Variants in STAG1 observed in about 807,000 individuals in gnomAD.
STAG1 encodes the protein cohesin subunit SA-1.
STAG1 carries 26 observed loss-of-function variants against 170.9 expected under a neutral mutation model. The ratio of observed to expected loss-of-function variants is 0.15; its 90% CI spans 0.11 to 0.21. The LOEUF is 0.21. STAG1 is among the 10% of genes least tolerant of loss of function. The pLI, the probability that STAG1 is intolerant of heterozygous loss-of-function variation, is 1.00. For missense variants in STAG1, 964 were observed against 1,509.5 expected (o/e 0.64, Z 5.99); for synonymous variants, 514 against 497.7 (o/e 1.03, Z -0.44).
At chr3:136,398,408 G>A (rs886196661) in intron 22 of STAG1, among the ~76,000 whole-genome samples, 2 of 152,186 alleles carry the variant, frequency 1.3e-5, no homozygotes, top group Admixed American at 6.6e-5. Context: ...GTAAGCCACC[G>A]TGCACGGCCT....
intron 26 of STAG1, among the ~76,000 whole-genome samples, chr3:136,361,318 G>C (rs1033620758): frequency 4.6e-5 from 7 of 152,210 alleles, no homozygotes; most frequent in Middle Eastern, 6.8e-3. Context: ...CCATTCCCCT[G>C]TTGATAGACA....
At chr3:136,564,613 T>C (rs937248955) in intron 5 of STAG1, among the ~76,000 whole-genome samples, 2 of 152,194 alleles carry the variant, frequency 1.3e-5, no homozygotes, top group Non-Finnish European at 2.9e-5. Context: ...GCTTTCTTTA[T>C]AAATCATATT....
Position 136,518,974 on chromosome 3 carries a change from AG to A in STAG1, c.676+2238del, listed in dbSNP as rs559888949. On this transcript the variant is annotated intron_variant, in intron 7 of 33. Transcript: ENST00000383202. ...ATGAAAATATATTTAAACATACACA[AG>A]ATTAGCAGATGGAGATAACCAAAGG... is the stretch of plus-strand genomic sequence containing the variant. Among the ~76,000 whole-genome samples the A allele has an allele frequency of 9.9e-5, 15 of 152,146 alleles. No homozygotes were observed. The South Asian group carries it at 3.1e-3, about 32-fold the overall frequency.
At chr3:136,709,331 G>T (rs1943321530) in intron 1 of STAG1, among the ~76,000 whole-genome samples, 1 of 151,916 alleles carries the variant, frequency 6.6e-6, no homozygotes, top group Admixed American at 6.6e-5. Context: ...TGTTGCCCAG[G>T]CTGCCTAATT....
intron 15 of STAG1, among the ~76,000 whole-genome samples, chr3:136,440,588 C>G (rs1173841992): frequency 6.6e-6 from 1 of 151,962 alleles, no homozygotes; most frequent in African/African-American, 2.4e-5. Context: ...ATGAATGGAA[C>G]CTACCATTGA....
intron 5 of STAG1, among the ~76,000 whole-genome samples, chr3:136,542,893 A>C (rs1203170518): frequency 6.6e-6 from 1 of 152,150 alleles, no homozygotes; most frequent in Non-Finnish European, 1.5e-5. Context: ...CTTGCAAAAA[A>C]AGTTTCCCGG....
At chr3:136,683,067 C>T (rs921055285) in intron 1 of STAG1, among the ~76,000 whole-genome samples, 18 of 152,136 alleles carry the variant, frequency 1.2e-4, no homozygotes, top group Admixed American at 1.1e-3. Flanking sequence ...GAGCCATCAA[C>T]ATTCAGAGAG....
chr3:136,712,220 A>G (rs1462334976), intron 1 of STAG1, among the ~76,000 whole-genome samples: 1 of 152,080 alleles, frequency 6.6e-6, no homozygotes, highest in African/African-American at 2.4e-5. Flanking sequence ...ATTTCATCAC[A>G]TTAGCCAGGA....
chr3:136,578,900 G>A (rs1044179526), intron 4 of STAG1, among the ~76,000 whole-genome samples: 4 of 152,190 alleles, frequency 2.6e-5, no homozygotes, highest in Non-Finnish European at 4.4e-5. Context: ...TAACCTACAC[G>A]ATTAAGGTCA....
At chr3:136,623,897 C>T (rs188484109) in intron 2 of STAG1, among the ~76,000 whole-genome samples, 241 of 152,072 alleles carry the variant, frequency 1.6e-3, no homozygotes, top group African/African-American at 5.6e-3. Flanking sequence ...TTGCAGTGAG[C>T]CGAGATTACG....
At chr3:136,420,244 CAAAAAAAAAAAAA>C (rs71157379) in intron 20 of STAG1, among the ~76,000 whole-genome samples, 58 of 36,948 alleles carry the variant, frequency 1.6e-3, no homozygotes, top group African/African-American at 5.8e-3. Flanking sequence ...GAGACTCTGT[CAAAAAAAAAAAAA>C]AAAAAAAAAA....
chr3:136,479,137 T>A (rs2089850934), intron 9 of STAG1, among the ~76,000 whole-genome samples: 1 of 149,570 alleles, frequency 6.7e-6, no homozygotes, highest in Non-Finnish European at 1.5e-5. Context: ...GCAGGTTAGT[T>A]ACATATGTAT....
chr3:136,422,535 T>C lies in STAG1; in HGVS notation c.1912A>G (p.Lys638Glu). 6.2e-7 allele frequency: 1 copy of C among 1,614,086 alleles called. No homozygotes were observed. The highest frequency in any genetic ancestry group is 8.5e-7 in the Non-Finnish European group (1 of 1,179,978). Reference protein sequence around the residue: ...VESDVLEACSKTYSILCSEEY... With the variant: ...VESDVLEACSETYSILCSEEY... ...TCACTGCATAAGATACTATAGGTTT[T>C]ACTGCAGGCTTCTAGAACATCTGAT... Residue 638 changes from lysine to glutamate, a missense_variant, in exon 19 of 34, where the codon AAA becomes GAA. This residue lies in a region of STAG1 where 232 missense variants were observed against 313.0 expected (regional missense o/e 0.74). Transcript: ENST00000383202.
chr3:136,494,539 C>T (rs998266297), intron 9 of STAG1, among the ~76,000 whole-genome samples: 2 of 152,134 alleles, frequency 1.3e-5, no homozygotes, highest in Non-Finnish European at 2.9e-5. Context: ...TAACAAAATA[C>T]TAGCAAACTG....
At chr3:136,724,773 A>G (rs1395991007) in intron 1 of STAG1, among the ~76,000 whole-genome samples, 1 of 152,202 alleles carries the variant, frequency 6.6e-6, no homozygotes, top group African/African-American at 2.4e-5. Context: ...AAAAATGCAA[A>G]GCAGATGAAC....
intron 15 of STAG1, among the ~76,000 whole-genome samples, chr3:136,434,259 T>A (rs1223763958): frequency 1.3e-5 from 2 of 152,154 alleles, no homozygotes. Flanking sequence ...TGGCAAGACC[T>A]TGATATTGAG....
intron 21 of STAG1, 21 bp from the exon 22 acceptor site, chr3:136,398,850 TTTTTTTA>T: frequency 6.7e-7 from 1 of 1,497,094 alleles, no homozygotes; most frequent in Non-Finnish European, 9.0e-7. Context: ...TGAAAAAAAA[TTTTTTTA>T]ATGAAAAATT....
intron 22 of STAG1, among the ~76,000 whole-genome samples, chr3:136,390,419 A>G (rs11714647): frequency 0.023 from 3,510 of 152,310 alleles, 60 homozygotes; most frequent in Non-Finnish European, 0.038. Context: ...CATGAAATGG[A>G]TATTAAACAA....
At chr3:136,373,072 G>A (rs1295147247) in intron 23 of STAG1, among the ~76,000 whole-genome samples, 5 of 152,006 alleles carry the variant, frequency 3.3e-5, no homozygotes, top group Admixed American at 6.6e-5. Flanking sequence ...TTGGTTTAGT[G>A]TTGGGAGGGT....
Sources: gnomAD v4.1 joint callset for allele counts (sites outside exome capture counted in the v4.1 genomes callset) on GRCh38, gnomAD v4.1.1 for gene constraint, gnomAD v4.1.1 regional missense constraint, MANE v1.5 for transcripts, NCBI Gene and HGNC (gene_info 2026-07-23, HGNC 2026-07-21) for gene names.